The following ANKAR variants were observed in gnomAD, a reference collection of about 807,000 sequenced individuals.
ANKAR encodes the protein ankyrin and armadillo repeat containing.
Under a neutral mutation model 146.2 loss-of-function variants are expected in ANKAR, and 136 were observed. That is an observed-to-expected ratio of 0.93 (90% CI 0.81 to 1.07). The LOEUF (loss-of-function observed/expected upper bound fraction) is 1.07. Ranked by LOEUF, ANKAR falls within the 50% of genes least tolerant of loss-of-function variation. ANKAR has a pLI of 0.00. For synonymous variants in ANKAR, 500 were observed against 575.8 expected (o/e 0.87, Z 1.88); for missense variants, 1,567 against 1,679.9 (o/e 0.93, Z 1.18).
At chr2:189,708,432 G>A (rs1325164319) in intron 9 of ANKAR, among the ~76,000 whole-genome samples, 1 of 152,092 alleles carries the variant, frequency 6.6e-6, no homozygotes, top group African/African-American at 2.4e-5. Flanking sequence ...TTTTACAATT[G>A]TGCAAAAGTG....
intron 4 of ANKAR, 198 bp downstream of exon 4, chr2:189,692,616 C>T (rs1422887907): frequency 2.2e-6 from 1 of 450,450 alleles, no homozygotes; most frequent in Admixed American, 4.4e-5. Flanking sequence ...TGTTGGATAT[C>T]TGAGATAAAA....
At chr2:189,736,809 A>G (rs986063498) in intron 17 of ANKAR, among the ~76,000 whole-genome samples, 8 of 152,030 alleles carry the variant, frequency 5.3e-5, no homozygotes, top group African/African-American at 1.9e-4. Context: ...GTGGTGGTTC[A>G]TGTCTGTAAT....
chr2:189,739,493 AAAT>A (rs2043136970), intron 19 of ANKAR, among the ~76,000 whole-genome samples: 1 of 152,196 alleles, frequency 6.6e-6, no homozygotes, highest in African/African-American at 2.4e-5. Context: ...GTTTTAATCT[AAAT>A]AACATTATTA....
rs1158746065 is a variant in ANKAR, at chr2:189,676,733, C to T, written c.243C>T (p.Ser81=). The change falls in exon 2 of 23, where the codon TCC becomes TCT. Residue 81 remains serine, a synonymous_variant. Coordinates refer to ENST00000684021, the MANE Select transcript of ANKAR (RefSeq NM_001378068.1). ...GTCAAATGAATAACGTAGGCTTCTC[C>T]ACTGCAATCCTACTGACTCCCGTGG... ...IMSQMNNVGF[S]TAILLTPVDP... The T allele has an allele frequency of 6.2e-7, 1 of 1,614,044 alleles. No individual in the cohort carries two copies. Among genetic ancestry groups the T allele is most frequent in the Non-Finnish European group, 8.5e-7 (1 of 1,180,050 alleles).
intron 12 of ANKAR, among the ~76,000 whole-genome samples, chr2:189,727,515 C>A (rs1263134051): frequency 5.4e-5 from 5 of 92,608 alleles, no homozygotes; most frequent in Non-Finnish European, 7.8e-5. Context: ...TAGAGCCAAA[C>A]CTTGTCTCAA....
intron 6 of ANKAR, among the ~76,000 whole-genome samples, 175 bp from the exon 7 acceptor site, chr2:189,695,975 T>C (rs2037138039): frequency 6.6e-6 from 1 of 152,236 alleles, no homozygotes; most frequent in Admixed American, 6.5e-5. Flanking sequence ...TGCTTATAGC[T>C]CTAACTACTT....
intron 22 of ANKAR, 27 bp downstream of exon 22, chr2:189,744,815 A>G: frequency 6.7e-7 from 1 of 1,488,328 alleles, no homozygotes; most frequent in Non-Finnish European, 9.3e-7. Context: ...TTATCTATGA[A>G]GTACCTTCTA....
chr2:189,721,928 T>C (rs1326529845), intron 12 of ANKAR, among the ~76,000 whole-genome samples: 2 of 152,238 alleles, frequency 1.3e-5, no homozygotes, highest in Non-Finnish European at 2.9e-5. Flanking sequence ...AGTGTCACTT[T>C]CTAAGAACCT....
chr2:189,695,812 T>A (rs2037113360), intron 6 of ANKAR, among the ~76,000 whole-genome samples: 1 of 152,242 alleles, frequency 6.6e-6, no homozygotes, highest in Admixed American at 6.5e-5. Flanking sequence ...AAACTGTATT[T>A]CTACAGCTAT....
chr2:189,706,861 T>C lies in ANKAR; in HGVS notation c.1911-77T>C, dbSNP rs1375651103. ...GTGGTGTAAGTCAGACTACCTCCAA[T>C]TGCAGCTTGAATAGTTTTACAAAAA... is the stretch of plus-strand genomic sequence containing the variant. On this transcript the variant is annotated intron_variant, in intron 8 of 22. Transcript: ENST00000684021. The C allele has an allele frequency of 1.6e-5, 17 of 1,079,990 alleles. No individual in the cohort carries two copies. The East Asian group carries it at 2.0e-4, about 13-fold the overall frequency. 66.9% of individuals were successfully genotyped at this position (1,079,990 alleles called of 1,614,324 possible).
chr2:189,705,160 G>A lies in ANKAR; in HGVS notation c.1846G>A (p.Val616Ile), dbSNP rs372479146. The A allele has an allele frequency of 1.1e-5, 17 of 1,613,978 alleles. No individual in the cohort carries two copies. Among genetic ancestry groups the A allele is most frequent in the African/African-American group, 8.0e-5 (6 of 74,908 alleles). ...PIHFAAFYDN[V>I]CIIIALCRKD... ...TCACTTTGCCGCTTTCTATGACAAC[G>A]TTTGCATCATTATTGCTCTCTGTAG... Residue 616 changes from valine (V) to isoleucine (I), a missense_variant, in exon 8 of 23, where the codon GTT (valine) becomes ATT (isoleucine). Physicochemically the swap from Val to Ile is conservative, Grantham distance 29. Transcript: ENST00000684021.
At chr2:189,722,478 A>T (rs931475550) in intron 12 of ANKAR, among the ~76,000 whole-genome samples, 3 of 152,126 alleles carry the variant, frequency 2.0e-5, no homozygotes, top group African/African-American at 7.2e-5. Context: ...AAATTTAAAG[A>T]TAGGGACTAG....
At chr2:189,703,232 G>T (rs1201484664) in intron 7 of ANKAR, among the ~76,000 whole-genome samples, 1 of 152,172 alleles carries the variant, frequency 6.6e-6, no homozygotes, top group African/African-American at 2.4e-5. Context: ...GAGATGAAAA[G>T]ATCAGATTTA....
intron 19 of ANKAR, among the ~76,000 whole-genome samples, chr2:189,739,282 A>C (rs16831939): frequency 0.23 from 34,239 of 152,122 alleles, 4,085 homozygotes; most frequent in African/African-American, 0.29. Flanking sequence ...CAGAATGAGT[A>C]ATATGCAGTG....
rs1396254039 is a variant in ANKAR at position 189,689,594 on chromosome 2, A to G, written c.669A>G (p.Pro223=). Residue 223 remains proline (P), a synonymous_variant, in exon 3 of 23, where the codon CCA becomes CCG. Transcript: ENST00000684021. The part of the protein sequence containing the change: ...EIYDEDVNED[P]TYDPNSPEET... Reference sequence around the variant, plus strand: ...ATGATGAAGACGTGAATGAAGATCCAACATATGATCCCAACAGCCCTGAAG... The same window carrying G: ...ATGATGAAGACGTGAATGAAGATCCGACATATGATCCCAACAGCCCTGAAG... 1.2e-6 allele frequency: 2 copies of G among 1,613,070 alleles called. No individual in the cohort carries two copies. The highest frequency in any genetic ancestry group is 1.1e-5 in the South Asian group (1 of 90,858).
intron 2 of ANKAR, among the ~76,000 whole-genome samples, chr2:189,686,990 T>A (rs2035697117): frequency 2.6e-5 from 4 of 152,200 alleles, no homozygotes; most frequent in Admixed American, 2.6e-4. Context: ...ATTATACTCT[T>A]TTAGTGTTTT....
At chr2:189,752,589 G>T in intron 18 of ANKAR, 1 of 1,538,730 alleles carries the variant, frequency 6.5e-7, no homozygotes. Flanking sequence ...ATATATAAAG[G>T]CAAAATCCAG....
intron 18 of ANKAR, among the ~76,000 whole-genome samples, chr2:189,758,173 G>A (rs1415029352): frequency 1.3e-5 from 2 of 152,046 alleles, no homozygotes; most frequent in African/African-American, 4.8e-5. Flanking sequence ...ACTTGAGGTC[G>A]GGAGTTCGAG....
Position 189,720,659 on chromosome 2 carries a change from T to C in ANKAR, c.2507T>C (p.Ile836Thr), listed in dbSNP as rs763474444. Residue 836 changes from isoleucine (I) to threonine (T), a missense_variant, in exon 12 of 23, where the codon ATA (isoleucine) becomes ACA (threonine). Transcript: ENST00000684021. The stretch of plus-strand genomic sequence containing the variant: ...CTGATAAATCTATTGAACTTAAACA[T>C]AGAAAATGTGCTAGTAAATGTAATG... ...PSLINLLNLN[I>T]ENVLVNVMNC... 2.9e-6 allele frequency: 4 copies of C among 1,392,184 alleles called. No homozygotes were observed. The highest frequency in any genetic ancestry group is 1.9e-6 in the Non-Finnish European group (2 of 1,064,412). 86.2% of individuals were successfully genotyped at this position (1,392,184 alleles called of 1,614,324 possible).
Sources: allele counts gnomAD v4.1 joint callset (sites outside exome capture counted in the v4.1 genomes callset), GRCh38; gene constraint gnomAD v4.1.1; transcripts MANE v1.5; gene names NCBI Gene and HGNC (gene_info 2026-07-23, HGNC 2026-07-21).